Variants in MTHFD2L observed in about 807,000 individuals in gnomAD.
MTHFD2L encodes the protein methylenetetrahydrofolate dehydrogenase (NADP+ dependent) 2 like, also known as bifunctional methylenetetrahydrofolate dehydrogenase/cyclohydrolase 2, mitochondrial.
A neutral mutation model predicts 34.9 loss-of-function variants in MTHFD2L; 29 were observed. The ratio of observed to expected loss-of-function variants is 0.83; its 90% CI spans 0.62 to 1.13. MTHFD2L has a LOEUF of 1.13. Ranked by LOEUF, MTHFD2L falls within the 50% of genes most tolerant of loss-of-function variation. The pLI, the probability that MTHFD2L is intolerant of heterozygous loss-of-function variation, is 0.00. For missense variants in MTHFD2L, 481 were observed against 446.5 expected, an observed-to-expected ratio of 1.08 and a Z score of -0.70; for synonymous variants, 167 against 155.7, an observed-to-expected ratio of 1.07 and a Z score of -0.54.
At chr4:74,162,148 C>T (rs1340415110) in intron 1 of MTHFD2L, 4 of 152,180 alleles carry the variant, frequency 2.6e-5, no homozygotes, top group African/African-American at 9.6e-5. Context: ...GCCTAGCCAG[C>T]TGCTCCACTT....
intron 1 of MTHFD2L, among the ~76,000 whole-genome samples, chr4:74,127,899 G>A (rs183939353): frequency 9.9e-5 from 15 of 151,846 alleles, no homozygotes; most frequent in Non-Finnish European, 1.9e-4. Flanking sequence ...CTCCATCCTC[G>A]CCAGCATCTG....
intron 1 of MTHFD2L, among the ~76,000 whole-genome samples, chr4:74,138,075 A>G (rs1723055069): frequency 6.6e-6 from 1 of 151,844 alleles, no homozygotes; most frequent in Admixed American, 6.6e-5. Flanking sequence ...ATATATACAC[A>G]TACACTTTTT....
At chr4:74,204,411 A>G (rs1019769409) in intron 5 of MTHFD2L, among the ~76,000 whole-genome samples, 7 of 152,190 alleles carry the variant, frequency 4.6e-5, no homozygotes, top group African/African-American at 1.7e-4. Flanking sequence ...TAGCCATTCT[A>G]ACTATCATGT....
chr4:74,197,044 G>A (rs1362126877), intron 3 of MTHFD2L, among the ~76,000 whole-genome samples: 1 of 151,716 alleles, frequency 6.6e-6, no homozygotes, highest in Non-Finnish European at 1.5e-5. Flanking sequence ...TATTACAGTG[G>A]TTCAGATTTT....
intron 5 of MTHFD2L, among the ~76,000 whole-genome samples, chr4:74,218,152 T>C (rs1737518844): frequency 6.6e-6 from 1 of 152,118 alleles, no homozygotes; most frequent in South Asian, 2.1e-4. Flanking sequence ...TTTTTAGTCA[T>C]GATTTTTAGT....
chr4:74,185,173 AAAAAAAT>A (rs1184566625), intron 3 of MTHFD2L, among the ~76,000 whole-genome samples: 3 of 150,822 alleles, frequency 2.0e-5, no homozygotes, highest in African/African-American at 4.9e-5. Flanking sequence ...AAAAAAAAAA[AAAAAAAT>A]CTGGAAAATC....
intron 6 of MTHFD2L, 133 bp from the exon 7 acceptor site, chr4:74,281,292 C>A: frequency 1.2e-6 from 1 of 840,412 alleles, no homozygotes; most frequent in Non-Finnish European, 1.7e-6. Context: ...TCATCAATGG[C>A]CTGTTTTTTA....
At chr4:74,236,797 A>C (rs1023919796) in intron 6 of MTHFD2L, among the ~76,000 whole-genome samples, 1 of 152,184 alleles carries the variant, frequency 6.6e-6, no homozygotes, top group African/African-American at 2.4e-5. Context: ...GAATATTATC[A>C]CTCACTTCAT....
At chr4:74,157,620 T>G (rs1320871803), upstream of MTHFD2L, 1 of 456,256 alleles carries the variant, frequency 2.2e-6, no homozygotes. Flanking sequence ...TCAGCCAGGT[T>G]TTGCTCCTTC....
At chr4:74,169,867 G>T (rs1453163186) in intron 1 of MTHFD2L, among the ~76,000 whole-genome samples, 4 of 152,086 alleles carry the variant, frequency 2.6e-5, no homozygotes, top group Admixed American at 1.3e-4. Flanking sequence ...ATTTTAACTT[G>T]ATTTGCTTAT....
rs1168952562 is a variant in MTHFD2L at position 74,136,856 on chromosome 4, C to T, written c.-297+11339C>T. On this transcript the variant is annotated intron_variant, in intron 1 of 7. Coordinates refer to the MTHFD2L transcript ENST00000433372. ...TCATCTTCAGCAAAGGCATTAAGAG[C>T]CTAAAATGGGGAAAGGTCAGCCTTT... Among the ~76,000 whole-genome samples the T allele has an allele frequency of 5.3e-5, 8 of 152,000 alleles. No homozygotes were observed. The East Asian group carries it at 1.2e-3, about 22-fold the overall frequency.
At chr4:74,265,511 A>G (rs1745182337) in intron 6 of MTHFD2L, among the ~76,000 whole-genome samples, 1 of 152,166 alleles carries the variant, frequency 6.6e-6, no homozygotes, top group African/African-American at 2.4e-5. Flanking sequence ...CACTTTATAT[A>G]CATTATTCAT....
intron 1 of MTHFD2L, among the ~76,000 whole-genome samples, chr4:74,149,487 T>C (rs1397493150): frequency 6.8e-6 from 1 of 147,024 alleles, no homozygotes; most frequent in African/African-American, 2.4e-5. Context: ...AGCAAGTGCT[T>C]GAAGACTGCA....
chr4:74,279,293 T>C (rs1189345581), intron 6 of MTHFD2L, among the ~76,000 whole-genome samples: 2 of 151,966 alleles, frequency 1.3e-5, no homozygotes, highest in East Asian at 3.9e-4. Context: ...AATACAGGTT[T>C]CATATTTTAT....
chr4:74,183,236 AC>A (rs1305761889), intron 3 of MTHFD2L: 2 of 152,318 alleles, frequency 1.3e-5, no homozygotes, highest in African/African-American at 4.8e-5. Flanking sequence ...AGGAAAAAAA[AC>A]ACCTGTAAAC....
intron 1 of MTHFD2L, among the ~76,000 whole-genome samples, chr4:74,153,063 G>A (rs76913240): frequency 6.6e-6 from 1 of 152,136 alleles, no homozygotes; most frequent in South Asian, 2.1e-4. Context: ...TTCCTTGGCT[G>A]TGATTTTCCC....
At chr4:74,157,732 C>T (rs377250264), upstream of MTHFD2L, 113 of 466,158 alleles carry the variant, frequency 2.4e-4, 1 homozygote, top group African/African-American at 2.1e-3. Flanking sequence ...TCCAATTCCA[C>T]GTAGTCACGG....
At chr4:74,301,185 C>G (rs1750268726) in intron 7 of MTHFD2L, among the ~76,000 whole-genome samples, 1 of 152,076 alleles carries the variant, frequency 6.6e-6, no homozygotes, top group African/African-American at 2.4e-5. Flanking sequence ...CTGAACAGGA[C>G]TATGTATGTG....
At chr4:74,235,488 C>A (rs1300870194) in intron 6 of MTHFD2L, among the ~76,000 whole-genome samples, 1 of 152,018 alleles carries the variant, frequency 6.6e-6, no homozygotes, top group Admixed American at 6.6e-5. Context: ...GTGTTATATT[C>A]AGGTGGAAAA....
Sources: gnomAD v4.1 joint callset for allele counts (sites outside exome capture counted in the v4.1 genomes callset) on GRCh38, gnomAD v4.1.1 for gene constraint, MANE v1.5 for transcripts, NCBI Gene and HGNC (gene_info 2026-07-23, HGNC 2026-07-21) for gene names.